ENO4: variants seen among roughly 807,000 people sequenced by gnomAD.
ENO4 encodes 2-phospho-D-glycerate hydro-lyase.
ENO4 carries 53 observed loss-of-function variants against 63.2 expected under a neutral mutation model. The observed-to-expected ratio is 0.84, with a 90% CI of 0.67 to 1.05. The LOEUF is 1.05. Ranked by LOEUF, ENO4 falls within the 50% of genes least tolerant of loss-of-function variation. The probability of loss-of-function intolerance (pLI) is 0.00; values close to 1 mark genes in which losing one functional copy is unlikely to be tolerated. For missense variants in ENO4, 719 were observed against 772.0 expected (o/e 0.93, Z 0.81); for synonymous variants, 266 against 283.8 (o/e 0.94, Z 0.63).
At chr10:116,889,465 G>A (rs1260233552) in intron 10 of ENO4, among the ~76,000 whole-genome samples, 1 of 152,168 alleles carries the variant, frequency 6.6e-6, no homozygotes, top group Non-Finnish European at 1.5e-5. Context: ...AGGCATGGAG[G>A]GAGAGTGACT....
At chr10:116,910,284 A>G (rs1218184972) in intron 10 of ENO4, among the ~76,000 whole-genome samples, 1 of 152,230 alleles carries the variant, frequency 6.6e-6, no homozygotes, top group Non-Finnish European at 1.5e-5. Context: ...ATATTGTCAG[A>G]GTAGTAACTC....
At chr10:116,866,650 C>G (rs1846555733) in intron 7 of ENO4, among the ~76,000 whole-genome samples, 1 of 151,968 alleles carries the variant, frequency 6.6e-6, no homozygotes, top group Non-Finnish European at 1.5e-5. Context: ...CTTGTCTCCA[C>G]AAAAATTAGT....
At chr10:116,871,605 G>A (rs1226902327) in intron 9 of ENO4, among the ~76,000 whole-genome samples, 2 of 152,122 alleles carry the variant, frequency 1.3e-5, no homozygotes, top group African/African-American at 4.8e-5. Flanking sequence ...AACTGCATTT[G>A]GTTGATAAAT....
chr10:116,868,623 G>A (rs1159128008), intron 7 of ENO4, 27 bp from the exon 8 acceptor site: 2 of 1,548,042 alleles, frequency 1.3e-6, no homozygotes, highest in Admixed American at 3.9e-5. Flanking sequence ...AATTCCAGGT[G>A]ATACATTTTT....
At chr10:116,896,045 C>T (rs1267102856) in intron 10 of ENO4, among the ~76,000 whole-genome samples, 1 of 152,152 alleles carries the variant, frequency 6.6e-6, no homozygotes, top group East Asian at 1.9e-4. Context: ...ATCCTGCCTA[C>T]TATGATTTCA....
intron 9 of ENO4, among the ~76,000 whole-genome samples, chr10:116,873,484 C>T (rs969372633): frequency 1.3e-5 from 2 of 152,208 alleles, no homozygotes; most frequent in African/African-American, 4.8e-5. Context: ...TTCCAGACTT[C>T]AAATGAATGT....
chr10:116,859,488 T>G (rs938775130), intron 4 of ENO4, among the ~76,000 whole-genome samples: 6 of 152,180 alleles, frequency 3.9e-5, no homozygotes, highest in African/African-American at 1.2e-4. Context: ...CTCCATATCT[T>G]AGAGTTTTGA....
intron 9 of ENO4, 196 bp from the exon 10 acceptor site, chr10:116,873,880 G>A (rs1846763123): frequency 2.0e-6 from 2 of 984,790 alleles, no homozygotes; most frequent in Non-Finnish European, 2.4e-6. Flanking sequence ...CAAAAGGAAT[G>A]GTGACTTGAT....
chr10:116,876,097 A>C lies in ENO4; in HGVS notation c.1374A>C (p.Ala458=). ...AACAGTGGGACAGCATCTATCACGCACTTGGTTCCAGGTGTTACATAATTG... is the reference window on the plus strand; with the variant it reads ...AACAGTGGGACAGCATCTATCACGCCCTTGGTTCCAGGTGTTACATAATTG... ...DSEQWDSIYH[A]LGSRCYIIAG... is the part of the protein sequence containing the mutation. Residue 458 remains alanine (A), a synonymous_variant, in exon 11 of 14, where the codon GCA becomes GCC. Transcript: ENST00000341276. The C allele has an allele frequency of 6.5e-7, 1 of 1,549,944 alleles. No homozygotes were observed. The highest frequency in any genetic ancestry group is 8.7e-7 in the Non-Finnish European group (1 of 1,146,728).
chr10:116,856,806 G>C, intron 3 of ENO4, 124 bp downstream of exon 3: 1 of 768,338 alleles, frequency 1.3e-6, no homozygotes, highest in Non-Finnish European at 1.9e-6. Context: ...TCGAGACCAC[G>C]GTGAAACCCA....
At chr10:116,891,675 G>A (rs997190569) in intron 10 of ENO4, among the ~76,000 whole-genome samples, 4 of 152,134 alleles carry the variant, frequency 2.6e-5, no homozygotes. Flanking sequence ...AGCAGAGGTA[G>A]TTTTGATTGT....
intron 6 of ENO4, among the ~76,000 whole-genome samples, chr10:116,861,731 GT>G (rs1846419955): frequency 6.6e-6 from 1 of 151,962 alleles, no homozygotes; most frequent in Non-Finnish European, 1.5e-5. Flanking sequence ...ATGACCAAAG[GT>G]TCATGATCTA....
At chr10:116,892,732 AT>A (rs1273594212) in intron 10 of ENO4, among the ~76,000 whole-genome samples, 1 of 152,244 alleles carries the variant, frequency 6.6e-6, no homozygotes, top group Non-Finnish European at 1.5e-5. Context: ...TACAAATGAA[AT>A]GTGTTTATTG....
chr10:116,868,831 T>C, intron 8 of ENO4, 125 bp downstream of exon 8: 1 of 838,232 alleles, frequency 1.2e-6, no homozygotes, highest in Non-Finnish European at 2.0e-6. Context: ...AACCATATAG[T>C]GATATTGCTC....
intron 10 of ENO4, among the ~76,000 whole-genome samples, chr10:116,893,420 A>C (rs1312629913): frequency 6.6e-6 from 1 of 152,196 alleles, no homozygotes; most frequent in African/African-American, 2.4e-5. Flanking sequence ...ATTACAGTTG[A>C]GAGCAGAGCA....
intron 10 of ENO4, among the ~76,000 whole-genome samples, chr10:116,890,741 A>G (rs927617527): frequency 6.6e-6 from 1 of 152,246 alleles, no homozygotes; most frequent in Non-Finnish European, 1.5e-5. Context: ...GTGGGGCCTG[A>G]GCAGGTGGGG....
chr10:116,907,935 A>C (rs1848038958), intron 10 of ENO4: 1 of 517,016 alleles, frequency 1.9e-6, no homozygotes, highest in South Asian at 1.4e-5. Context: ...GGATTCTAAT[A>C]ATTCTACTGG....
At chr10:116,855,145 T>C (rs1379506641) in intron 1 of ENO4, among the ~76,000 whole-genome samples, 1 of 151,128 alleles carries the variant, frequency 6.6e-6, no homozygotes, top group Non-Finnish European at 1.5e-5. Context: ...ATACAAAAAT[T>C]AGCTGAGCAT....
At chr10:116,877,778 G>C (rs1397415349) in intron 11 of ENO4, among the ~76,000 whole-genome samples, 2 of 152,190 alleles carry the variant, frequency 1.3e-5, no homozygotes, top group Non-Finnish European at 2.9e-5. Flanking sequence ...ATTGGGTCAG[G>C]CATTTGCGAA....
Sources: allele counts gnomAD v4.1 joint callset (sites outside exome capture counted in the v4.1 genomes callset), GRCh38; gene constraint gnomAD v4.1.1; transcripts MANE v1.5; gene names NCBI Gene and HGNC (gene_info 2026-07-23, HGNC 2026-07-21).